Variants in APOLD1 observed in about 807,000 individuals in gnomAD.
APOLD1 encodes the protein apolipoprotein L domain-containing protein 1.
APOLD1 carries 22 observed loss-of-function variants against 15.3 expected under a neutral mutation model. That is an observed-to-expected ratio of 1.44 (90% CI 1.03 to 2.05). The LOEUF (loss-of-function observed/expected upper bound fraction) is 2.05. APOLD1 is among the 30% of genes most tolerant of loss of function. The pLI is 0.00. For synonymous variants in APOLD1, 190 were observed against 167.4 expected (o/e 1.13, Z -1.04); for missense variants, 394 against 353.5 (o/e 1.11, Z -0.92).
chr12:12,744,461 T>C (rs1161569776), intron 1 of APOLD1, among the ~76,000 whole-genome samples: 1 of 150,424 alleles, frequency 6.6e-6, no homozygotes, highest in East Asian at 2.0e-4. Context: ...TTACAAAAAT[T>C]AACTGGGCCT....
chr12:12,730,700 AAAG>A (rs1946632813), intron 1 of APOLD1, among the ~76,000 whole-genome samples: 6 of 109,122 alleles, frequency 5.5e-5, no homozygotes, highest in Admixed American at 2.3e-4. Context: ...AAAAAAAAAG[AAAG>A]AAAGAAAAAA....
At chr12:12,749,487 A>G (rs1946790966) in intron 1 of APOLD1, among the ~76,000 whole-genome samples, 1 of 152,230 alleles carries the variant, frequency 6.6e-6, no homozygotes, top group South Asian at 2.1e-4. Flanking sequence ...TCAGCAACCA[A>G]TCAGACTGAT....
upstream of APOLD1, among the ~76,000 whole-genome samples, chr12:12,782,608 G>A (rs979104350): frequency 2.6e-5 from 4 of 152,070 alleles, no homozygotes; most frequent in Admixed American, 6.6e-5. Context: ...TCAAGGCTGC[G>A]GTGAGGCGTG....
exon 1 of APOLD1, chr12:12,725,941 C>A: frequency 7.4e-7 from 1 of 1,354,698 alleles, no homozygotes; most frequent in Non-Finnish European, 9.8e-7. Context: ...CGGGGGTGCG[C>A]GGGGCGGTCA....
chr12:12,785,616 G>A (rs1947117467), upstream of APOLD1: 1 of 1,613,774 alleles, frequency 6.2e-7, no homozygotes. Context: ...GGCAGCCATT[G>A]GTTCTCTGGA....
chr12:12,757,286 AGCCCAAGTTCACCACAGACCT>A (rs1468811144), intron 1 of APOLD1, among the ~76,000 whole-genome samples: 1 of 152,118 alleles, frequency 6.6e-6, no homozygotes, highest in Non-Finnish European at 1.5e-5. Flanking sequence ...GCTTTTGGTG[AGCCCAAGTTCACCACAGACCT>A]GCCTCTGGGG....
At chr12:12,745,116 A>ATC (rs1323099074) in intron 1 of APOLD1, among the ~76,000 whole-genome samples, 6 of 152,192 alleles carry the variant, frequency 3.9e-5, no homozygotes, top group African/African-American at 1.4e-4. Context: ...TTGTGTACTC[A>ATC]TCTCCCTAGA....
chr12:12,765,086 G>A (rs139693775), intron 1 of APOLD1, among the ~76,000 whole-genome samples: 1 of 152,270 alleles, frequency 6.6e-6, no homozygotes, highest in Non-Finnish European at 1.5e-5. Context: ...GCAAGGGAGT[G>A]CTGGGAAATG....
chr12:12,727,178 C>T (rs80132068), intron 1 of APOLD1, among the ~76,000 whole-genome samples: 4 of 152,122 alleles, frequency 2.6e-5, no homozygotes, highest in Non-Finnish European at 5.9e-5. Context: ...GCTATTTGAG[C>T]GCTTGAATGT....
At chr12:12,760,397 G>A (rs1004254615) in intron 1 of APOLD1, among the ~76,000 whole-genome samples, 1 of 151,786 alleles carries the variant, frequency 6.6e-6, no homozygotes, top group Non-Finnish European at 1.5e-5. Context: ...CAGCAGTTTG[G>A]GAGGCCGAAG....
intron 1 of APOLD1, among the ~76,000 whole-genome samples, chr12:12,745,536 A>C (rs563810055): frequency 6.6e-6 from 1 of 152,130 alleles, no homozygotes; most frequent in African/African-American, 2.4e-5. Flanking sequence ...TCAGAAAAGA[A>C]AAGACTGAAG....
intron 1 of APOLD1, among the ~76,000 whole-genome samples, chr12:12,746,584 A>G (rs1946768674): frequency 6.6e-6 from 1 of 152,198 alleles, no homozygotes; most frequent in Non-Finnish European, 1.5e-5. Context: ...ATGAACTCTG[A>G]TGTCTTCATA....
intron 1 of APOLD1, among the ~76,000 whole-genome samples, chr12:12,737,472 T>C (rs578115545): frequency 2.2e-4 from 33 of 152,340 alleles, no homozygotes; most frequent in African/African-American, 7.5e-4. Context: ...TTTCAATCTT[T>C]AGGAAAAGTA....
In APOLD1 at chr12:12,790,512, A is replaced by G. The variant is rs1947176620; in HGVS notation, c.*2860A>G. ...GCTATTCCCTAGAATTAAACTGGGC[A>G]CTTTTGGAAGCAGCAACAGTAACAG... On this transcript the variant is annotated 3_prime_UTR_variant, in exon 2 of 2. Transcript: ENST00000356591. 6.6e-6 allele frequency: 1 copy of G among 152,214 alleles called. No homozygotes were observed. Among genetic ancestry groups the G allele is most frequent in the African/African-American group, 2.4e-5 (1 of 41,454 alleles). The allele number at this position is 152,214 out of a possible 1,614,324, so 9.4% of individuals were successfully genotyped here.
intron 1 of APOLD1, among the ~76,000 whole-genome samples, chr12:12,733,656 G>A (rs562699801): frequency 6.6e-6 from 1 of 152,274 alleles, no homozygotes; most frequent in Non-Finnish European, 1.5e-5. Flanking sequence ...AGGCTAGAGT[G>A]CAGTGGCACG....
chr12:12,726,532 C>T (rs542170739), intron 1 of APOLD1, among the ~76,000 whole-genome samples: 29 of 152,308 alleles, frequency 1.9e-4, no homozygotes, highest in African/African-American at 6.7e-4. Flanking sequence ...CTCTCAGTCC[C>T]TATGTCCGTA....
chr12:12,769,197 C>T (rs1163785938), intron 1 of APOLD1, among the ~76,000 whole-genome samples: 1 of 132,546 alleles, frequency 7.5e-6, no homozygotes, highest in Non-Finnish European at 1.5e-5. Flanking sequence ...CACTGCACTA[C>T]AGCCTGGGCA....
chr12:12,785,557 G>A, upstream of APOLD1: 1 of 1,530,810 alleles, frequency 6.5e-7, no homozygotes, highest in East Asian at 2.3e-5. Flanking sequence ...GGCAGCAGGG[G>A]TCATGACAGG....
intron 1 of APOLD1, among the ~76,000 whole-genome samples, chr12:12,729,682 C>T (rs1347565413): frequency 6.6e-6 from 1 of 152,034 alleles, no homozygotes; most frequent in Non-Finnish European, 1.5e-5. Context: ...ATTGCTCTAT[C>T]CCAGGAGTTC....
Sources: gnomAD v4.1 joint callset for allele counts (sites outside exome capture counted in the v4.1 genomes callset) on GRCh38, gnomAD v4.1.1 for gene constraint, MANE v1.5 for transcripts, NCBI Gene and HGNC (gene_info 2026-07-23, HGNC 2026-07-21) for gene names.